MGMT: variants seen among roughly 807,000 people sequenced by gnomAD.
The protein encoded by MGMT is methylated-DNA--protein-cysteine methyltransferase.
A neutral mutation model predicts 15.9 loss-of-function variants in MGMT; 14 were observed. The observed-to-expected ratio is 0.88, with a 90% CI of 0.58 to 1.37. MGMT has a LOEUF of 1.37. Among genes scored for constraint, MGMT ranks in the 40% most tolerant of loss-of-function variants. MGMT has a pLI of 0.00. For synonymous variants in MGMT, 130 were observed against 118.2 expected (o/e 1.10, Z -0.65); for missense variants, 282 against 268.1 (o/e 1.05, Z -0.36).
intron 2 of MGMT, among the ~76,000 whole-genome samples, chr10:129,551,613 C>G (rs1034582763): frequency 1.3e-5 from 2 of 152,186 alleles, no homozygotes; most frequent in Non-Finnish European, 2.9e-5. Context: ...GGATCAGTGT[C>G]TTCTACACTG....
At chr10:129,531,858 AT>A (rs1845936586) in intron 1 of MGMT, among the ~76,000 whole-genome samples, 2 of 151,386 alleles carry the variant, frequency 1.3e-5, no homozygotes, top group South Asian at 2.1e-4. Context: ...GCAGGGCTTT[AT>A]TTTGATCCTA....
At chr10:129,534,852 G>A (rs1845968604) in intron 1 of MGMT, among the ~76,000 whole-genome samples, 2 of 152,026 alleles carry the variant, frequency 1.3e-5, no homozygotes, top group African/African-American at 4.8e-5. Flanking sequence ...CCTTTCTGTA[G>A]AGGGTTCCAG....
At chr10:129,611,576 A>G (rs1312319055) in intron 2 of MGMT, among the ~76,000 whole-genome samples, 1 of 152,206 alleles carries the variant, frequency 6.6e-6, no homozygotes, top group Non-Finnish European at 1.5e-5. Context: ...TCTGTAAGGA[A>G]GTGCATACTG....
chr10:129,602,616 AACTAGG>A (rs1846837479), intron 2 of MGMT, among the ~76,000 whole-genome samples: 1 of 152,170 alleles, frequency 6.6e-6, no homozygotes, highest in Non-Finnish European at 1.5e-5. Flanking sequence ...GGCTTCAGGT[AACTAGG>A]ACTTGTGAAG....
At chr10:129,740,405 A>G (rs567310189) in intron 3 of MGMT, among the ~76,000 whole-genome samples, 5 of 152,246 alleles carry the variant, frequency 3.3e-5, no homozygotes, top group African/African-American at 1.2e-4. Flanking sequence ...AAGGTCTTCT[A>G]AGGACTCATG....
intron 2 of MGMT, among the ~76,000 whole-genome samples, chr10:129,639,974 C>T (rs1025886637): frequency 2.0e-5 from 3 of 147,894 alleles, no homozygotes; most frequent in African/African-American, 7.5e-5. Context: ...AGAGTGAAGT[C>T]ATATATTAAC....
chr10:129,544,888 C>T (rs1033396049), intron 2 of MGMT, among the ~76,000 whole-genome samples: 14 of 152,158 alleles, frequency 9.2e-5, no homozygotes, highest in Non-Finnish European at 2.9e-5. Flanking sequence ...ATCTCAGAGC[C>T]CATTTCTGTT....
intron 1 of MGMT, among the ~76,000 whole-genome samples, chr10:129,503,961 T>G (rs1845600367): frequency 6.6e-6 from 1 of 152,222 alleles, no homozygotes; most frequent in Admixed American, 6.5e-5. Flanking sequence ...TTGTGTGCAC[T>G]GGGAACATCT....
Position 129,532,395 on chromosome 10 carries a change from G to T in MGMT, c.-12-3846G>T, listed in dbSNP as rs1340890228. The stretch of plus-strand genomic sequence containing the variant: ...AGCCTTCTCCACCGCATTCCCAACC[G>T]CTGGCCTCCCAAGTTTGGCTTCTTG... On this transcript the variant is annotated intron_variant, in intron 1 of 4. Coordinates refer to ENST00000651593, the MANE Select transcript of MGMT (RefSeq NM_002412.5). This position sits in a 1 kb window ranked among gnomAD's most constrained non-coding sequence, Gnocchi z 5.3. 6.6e-6 allele frequency among the ~76,000 whole-genome samples: 1 copy of T among 152,154 alleles called. No individual in the cohort carries two copies. Among genetic ancestry groups the T allele is most frequent in the African/African-American group, 2.4e-5 (1 of 41,444 alleles).
chr10:129,515,076 C>T (rs1026521947), intron 1 of MGMT, among the ~76,000 whole-genome samples: 5 of 152,230 alleles, frequency 3.3e-5, no homozygotes, highest in African/African-American at 1.2e-4. Context: ...CCCTTCTCCG[C>T]TCCTCAGCTT....
intron 1 of MGMT, among the ~76,000 whole-genome samples, chr10:129,468,898 A>C (rs1266464122): frequency 6.6e-6 from 1 of 152,196 alleles, no homozygotes; most frequent in Non-Finnish European, 1.5e-5. Flanking sequence ...GGGAAACAAA[A>C]AAATCTGTAT....
At chr10:129,742,981 T>G (rs1848653243) in intron 3 of MGMT, among the ~76,000 whole-genome samples, 1 of 143,202 alleles carries the variant, frequency 7.0e-6, no homozygotes, top group South Asian at 2.4e-4. Flanking sequence ...TGCTTAGCCT[T>G]CAAAGAGGTG....
chr10:129,664,640 G>A (rs950867525), intron 2 of MGMT, among the ~76,000 whole-genome samples: 6 of 152,168 alleles, frequency 3.9e-5, no homozygotes, highest in African/African-American at 1.4e-4. Context: ...TGTGCAGCTT[G>A]GAGAAATGGC....
intron 2 of MGMT, among the ~76,000 whole-genome samples, chr10:129,570,048 A>G (rs1214293157): frequency 1.3e-5 from 2 of 152,184 alleles, no homozygotes; most frequent in Admixed American, 6.5e-5. Context: ...AGAAAGTTCC[A>G]TTTCCCTTTA....
chr10:129,664,091 T>G (rs542949580), intron 2 of MGMT, among the ~76,000 whole-genome samples: 1 of 152,184 alleles, frequency 6.6e-6, no homozygotes, highest in African/African-American at 2.4e-5. Flanking sequence ...CGACACCTCA[T>G]TAGTAGTATA....
chr10:129,480,412 C>T (rs556899212), intron 1 of MGMT, among the ~76,000 whole-genome samples: 4 of 152,216 alleles, frequency 2.6e-5, no homozygotes, highest in Admixed American at 6.5e-5. Flanking sequence ...TTTCATCGGC[C>T]CTGTGGAAAA....
chr10:129,554,422 T>G (rs1458410343), intron 2 of MGMT, among the ~76,000 whole-genome samples: 1 of 152,234 alleles, frequency 6.6e-6, no homozygotes, highest in African/African-American at 2.4e-5. Flanking sequence ...TGACATCTTT[T>G]TAAGCATGAT....
chr10:129,748,577 G>T (rs377618706), intron 3 of MGMT, among the ~76,000 whole-genome samples: 13 of 152,276 alleles, frequency 8.5e-5, no homozygotes, highest in African/African-American at 2.6e-4. Context: ...CATGGACTGG[G>T]CACTAGGTTT....
chr10:129,564,202 TCCTCCTCTCCCCCTCCTTCCCCCTTCCC>T (rs1846315009), intron 2 of MGMT: 1 of 45,528 alleles, frequency 2.2e-5, no homozygotes, highest in African/African-American at 9.1e-5. Context: ...CCCCACTTCT[TCCTCCTCTCCCCCTCCTTCCCCCTTCCC>T]CCTCCTCTTC....
Sources: allele counts gnomAD v4.1 joint callset (sites outside exome capture counted in the v4.1 genomes callset), GRCh38; gene constraint gnomAD v4.1.1; non-coding constraint Gnocchi (gnomAD v3.1); transcripts MANE v1.5; gene names NCBI Gene and HGNC (gene_info 2026-07-23, HGNC 2026-07-21).